Variants in KLHL14 observed in about 807,000 individuals in gnomAD.
KLHL14 encodes the protein kelch-like protein 14.
Under a neutral mutation model 64.3 loss-of-function variants are expected in KLHL14, and 22 were observed. That is an observed-to-expected ratio of 0.34 (90% CI 0.24 to 0.49). The LOEUF (loss-of-function observed/expected upper bound fraction) is 0.49. Ranked by LOEUF, KLHL14 falls within the 20% of genes least tolerant of loss-of-function variation. The pLI is 0.99. For missense variants in KLHL14, 661 were observed against 789.0 expected, an observed-to-expected ratio of 0.84 and a Z score of 1.94; for synonymous variants, 322 against 333.4, an observed-to-expected ratio of 0.97 and a Z score of 0.37.
chr18:32,725,109 C>T (rs755790312), intron 3 of KLHL14, among the ~76,000 whole-genome samples: 17 of 151,940 alleles, frequency 1.1e-4, no homozygotes, highest in Non-Finnish European at 2.1e-4. Context: ...GTAGCCTCAA[C>T]TTCCTGGGCT....
intron 5 of KLHL14, among the ~76,000 whole-genome samples, chr18:32,684,823 A>G (rs185750202): frequency 2.0e-5 from 3 of 151,960 alleles, no homozygotes; most frequent in African/African-American, 4.8e-5. Context: ...TAAACCACCA[A>G]TTAATCTACA....
At chr18:32,702,355 T>TA (rs34142338) in intron 3 of KLHL14, among the ~76,000 whole-genome samples, 5 of 147,864 alleles carry the variant, frequency 3.4e-5, no homozygotes, top group African/African-American at 7.4e-5. Context: ...TTTTTTTTTT[T>TA]AAAAAAAAGT....
At chr18:32,679,680 C>T (rs79952483) in intron 7 of KLHL14, among the ~76,000 whole-genome samples, 1,657 of 151,982 alleles carry the variant, frequency 0.011, 39 homozygotes, top group African/African-American at 0.037. Context: ...TCATAAGTGG[C>T]TTGCTATTGA....
chr18:32,682,071 TA>T (rs1240049051), intron 5 of KLHL14, among the ~76,000 whole-genome samples: 2 of 152,234 alleles, frequency 1.3e-5, no homozygotes, highest in Non-Finnish European at 2.9e-5. Context: ...ATTATCTGGA[TA>T]AAAGGTTTTT....
At chr18:32,689,159 T>A (rs542259779) in intron 4 of KLHL14, among the ~76,000 whole-genome samples, 82 of 152,232 alleles carry the variant, frequency 5.4e-4, no homozygotes, top group African/African-American at 1.9e-3. Context: ...ACCTATAGGA[T>A]CTCAAACAGG....
At chr18:32,753,574 T>G (rs1282451496) in intron 2 of KLHL14, among the ~76,000 whole-genome samples, 1 of 152,160 alleles carries the variant, frequency 6.6e-6, no homozygotes, top group African/African-American at 2.4e-5. Context: ...GGGGCAGATA[T>G]AACAAAAAAG....
chr18:32,701,324 A>G lies in KLHL14; in HGVS notation c.1070-5772T>C, dbSNP rs138254568. Reference sequence around the variant, plus strand: ...AGATAAATAAATAACAAATAGGAGCACAGCCAGGTGATGACAGATGACATA... The same window carrying G: ...AGATAAATAAATAACAAATAGGAGCGCAGCCAGGTGATGACAGATGACATA... On this transcript the variant is annotated intron_variant, in intron 3 of 8. Coordinates refer to ENST00000359358, the MANE Select transcript of KLHL14 (RefSeq NM_020805.3). 1.6e-3 allele frequency among the ~76,000 whole-genome samples: 245 copies of G among 152,330 alleles called. 1 individual carries two copies. The highest frequency in any genetic ancestry group is 5.7e-3 in the African/African-American group (236 of 41,576).
chr18:32,695,362 G>GA, intron 4 of KLHL14, 101 bp downstream of exon 4: 3 of 759,544 alleles, frequency 3.9e-6, no homozygotes, highest in Non-Finnish European at 7.0e-6. Flanking sequence ...CCGTTGCACA[G>GA]AAATGTATTT....
chr18:32,712,255 C>T (rs1259295452), intron 3 of KLHL14, among the ~76,000 whole-genome samples: 1 of 152,164 alleles, frequency 6.6e-6, no homozygotes, highest in Non-Finnish European at 1.5e-5. Flanking sequence ...CACATTTGTT[C>T]TTTCTCCTCA....
At chr18:32,735,143 A>G (rs1354035971) in intron 3 of KLHL14, among the ~76,000 whole-genome samples, 1 of 152,192 alleles carries the variant, frequency 6.6e-6, no homozygotes, top group East Asian at 1.9e-4. Flanking sequence ...CCTCAAGTAC[A>G]TTGGATCCGT....
At chr18:32,747,634 T>G (rs923644590) in intron 2 of KLHL14, among the ~76,000 whole-genome samples, 1 of 152,322 alleles carries the variant, frequency 6.6e-6, no homozygotes, top group Non-Finnish European at 1.5e-5. Flanking sequence ...TTCACTCGCT[T>G]GCCCACCACT....
At chr18:32,741,046 C>G (rs1243767181) in intron 3 of KLHL14, 1 of 152,186 alleles carries the variant, frequency 6.6e-6, no homozygotes, top group African/African-American at 2.4e-5. Context: ...ATAAGAAAAT[C>G]TAACATTCAC....
intron 1 of KLHL14, chr18:32,772,297 A>G: frequency 2.9e-6 from 1 of 341,994 alleles, no homozygotes; most frequent in Non-Finnish European, 6.2e-6. Context: ...GGTGGACCCT[A>G]CCCTCCCTCG....
chr18:32,694,049 T>C (rs77489875), intron 4 of KLHL14, among the ~76,000 whole-genome samples: 1 of 152,270 alleles, frequency 6.6e-6, no homozygotes. Context: ...AAGATCTGAC[T>C]TAAGACCTTA....
At chr18:32,692,455 T>C (rs753737245) in intron 4 of KLHL14, among the ~76,000 whole-genome samples, 2 of 152,230 alleles carry the variant, frequency 1.3e-5, no homozygotes, top group South Asian at 2.1e-4. Context: ...GCATGTTATA[T>C]ATTATCATAG....
chr18:32,712,358 A>G (rs537629139), intron 3 of KLHL14, among the ~76,000 whole-genome samples: 33 of 152,274 alleles, frequency 2.2e-4, no homozygotes, highest in African/African-American at 7.7e-4. Context: ...AAGAATTCCC[A>G]CAGCTTCCCT....
At chr18:32,711,251 A>G (rs940379726) in intron 3 of KLHL14, among the ~76,000 whole-genome samples, 1 of 152,202 alleles carries the variant, frequency 6.6e-6, no homozygotes, top group Non-Finnish European at 1.5e-5. Flanking sequence ...AATGGGGGAC[A>G]GCAAAAGAAA....
In KLHL14 at chr18:32,765,816, T is replaced by G. The variant is rs536061975; in HGVS notation, c.947+3829A>C. 2.0e-5 allele frequency among the ~76,000 whole-genome samples: 3 copies of G among 152,262 alleles called. No homozygotes were observed. In the South Asian group the frequency reaches 6.2e-4, roughly 32 times the overall value. On this transcript the variant is annotated intron_variant, in intron 2 of 8. Coordinates refer to ENST00000359358, the MANE Select transcript of KLHL14 (RefSeq NM_020805.3). The stretch of plus-strand genomic sequence containing the variant: ...AGATAGATAATTAGTACCCTTGATG[T>G]TTAAATAGATTTTTACATTAATTTA...
rs780877210 is a variant in KLHL14 at position 32,770,645 on chromosome 18, G to C, written c.-43-11C>G. On this transcript the variant is annotated splice_polypyrimidine_tract_variant and intron_variant, in intron 1 of 8. Transcript: ENST00000359358. The surrounding 1 kb of genome is among the most constrained non-coding windows in gnomAD (Gnocchi z 6.7). ...AAACCCTCCTCCAACCTGGCAGACA[G>C]GGGTGGGGGATGGGAGGGAGGGGAG... 20 of 1,478,582 alleles carry C rather than the reference G, an allele frequency of 1.4e-5. No individual in the cohort carries two copies. The highest frequency in any genetic ancestry group is 1.7e-5 in the Non-Finnish European group (19 of 1,116,434). 91.6% of individuals were successfully genotyped at this position (1,478,582 alleles called of 1,614,324 possible).
Sources: allele counts gnomAD v4.1 joint callset (sites outside exome capture counted in the v4.1 genomes callset), GRCh38; gene constraint gnomAD v4.1.1; non-coding constraint Gnocchi (gnomAD v3.1); transcripts MANE v1.5; gene names NCBI Gene and HGNC (gene_info 2026-07-23, HGNC 2026-07-21).